Variants in CUBN observed in about 807,000 individuals in gnomAD.
The protein encoded by CUBN is 460 kDa receptor.
Under a neutral mutation model 405.3 loss-of-function variants are expected in CUBN, and 282 were observed. That is an observed-to-expected ratio of 0.70 (90% confidence interval 0.63 to 0.77). The LOEUF is 0.77. Ranked by LOEUF, CUBN falls within the 30% of genes least tolerant of loss-of-function variation. CUBN has a pLI of 0.00. For synonymous variants in CUBN, 1,684 were observed against 1,617.0 expected, an observed-to-expected ratio of 1.04 and a Z score of -0.99; for missense variants, 4,514 against 4,475.2, an observed-to-expected ratio of 1.01 and a Z score of -0.25.
intron 60 of CUBN, among the ~76,000 whole-genome samples, chr10:16,846,855 G>T (rs554564116): frequency 1.0e-3 from 154 of 151,832 alleles, no homozygotes; most frequent in Non-Finnish European, 2.0e-3. Context: ...AAAGGGGCAC[G>T]GATGGGGTTG....
In CUBN at chr10:16,906,439, A is replaced by G. The variant is rs769711219; in HGVS notation, c.7706-30T>C. The stretch of plus-strand genomic sequence containing the variant: ...GAAAACAGAAGGCAACAGAGAAAGT[A>G]GTAGTAAGATTCAGGCCACAACGGA... On this transcript the variant is annotated intron_variant, in intron 49 of 66. Coordinates refer to ENST00000377833, the MANE Select transcript of CUBN (RefSeq NM_001081.4). The G allele has an allele frequency of 1.1e-5, 16 of 1,493,312 alleles. No individual in the cohort carries two copies. The East Asian group carries it at 3.2e-4, about 30-fold the overall frequency. 92.5% of individuals were successfully genotyped at this position (1,493,312 alleles called of 1,614,324 possible).
At chr10:16,839,427 A>G (rs1839272645) in intron 62 of CUBN, among the ~76,000 whole-genome samples, 1 of 152,096 alleles carries the variant, frequency 6.6e-6, no homozygotes, top group South Asian at 2.1e-4. Flanking sequence ...ACACTTCTCA[A>G]AAGAAGACAT....
At chr10:16,913,256 A>T (rs1260481413) in intron 48 of CUBN, among the ~76,000 whole-genome samples, 1 of 152,202 alleles carries the variant, frequency 6.6e-6, no homozygotes, top group Non-Finnish European at 1.5e-5. Context: ...TGTGCACAGC[A>T]CTTCACAGTT....
intron 47 of CUBN, among the ~76,000 whole-genome samples, 198 bp downstream of exon 47, chr10:16,914,834 C>G (rs933221352): frequency 6.6e-6 from 1 of 152,152 alleles, no homozygotes; most frequent in Non-Finnish European, 1.5e-5. Context: ...TTATCTCTCT[C>G]GTGATACTAG....
intron 27 of CUBN, among the ~76,000 whole-genome samples, chr10:17,031,630 A>C (rs1472706579): frequency 6.6e-6 from 1 of 152,182 alleles, no homozygotes; most frequent in Non-Finnish European, 1.5e-5. Flanking sequence ...AGGACTTACT[A>C]CATCTTTGTC....
At chr10:17,121,124 C>G (rs1307885649) in intron 6 of CUBN, among the ~76,000 whole-genome samples, 1 of 151,866 alleles carries the variant, frequency 6.6e-6, no homozygotes, top group Non-Finnish European at 1.5e-5. Flanking sequence ...TCAAAAAGCT[C>G]TTTAATAACA....
At chr10:17,002,166 G>A (rs1285070556) in intron 28 of CUBN, among the ~76,000 whole-genome samples, 4 of 152,064 alleles carry the variant, frequency 2.6e-5, no homozygotes, top group Non-Finnish European at 4.4e-5. Context: ...TACGCTGAAC[G>A]TCACATTTGT....
chr10:17,005,431 C>T (rs1182001525), intron 28 of CUBN, among the ~76,000 whole-genome samples: 1 of 152,192 alleles, frequency 6.6e-6, no homozygotes, highest in Admixed American at 6.5e-5. Flanking sequence ...AATTTTACCT[C>T]CTTGGAGTTG....
chr10:16,874,561 A>G, intron 57 of CUBN, 58 bp from the exon 58 acceptor site: 1 of 1,604,402 alleles, frequency 6.2e-7, no homozygotes, highest in Non-Finnish European at 8.5e-7. Flanking sequence ...GCATGGAAAA[A>G]TGATTTTAAG....
rs1588513563 is a variant in CUBN at position 16,952,201 on chromosome 10, G to A, written c.4969+75C>T. On this transcript the variant is annotated intron_variant, in intron 33 of 66. Transcript: ENST00000377833. Reference sequence around the variant, plus strand: ...TCGATTGTTAGCACTGAGATAAGAAGGTTACTCATAGACTGACCTTCCCAC... The same window carrying A: ...TCGATTGTTAGCACTGAGATAAGAAAGTTACTCATAGACTGACCTTCCCAC... 1.4e-5 allele frequency: 14 copies of A among 1,006,410 alleles called. No individual in the cohort carries two copies. The East Asian group carries it at 3.4e-4, about 24-fold the overall frequency. The allele number at this position is 1,006,410 out of a possible 1,614,324, so 62.3% of individuals were successfully genotyped here. A position where few individuals can be genotyped will look rare whatever the true frequency, so the allele number is the denominator to read the frequency against.
intron 8 of CUBN, 65 bp from the exon 9 acceptor site, chr10:17,111,115 A>C (rs1478105279): frequency 1.9e-6 from 3 of 1,560,856 alleles, no homozygotes; most frequent in Non-Finnish European, 2.6e-6. Context: ...GAAATACAAG[A>C]GTCAAAACAT....
At chr10:16,884,463 T>C (rs1840755502) in intron 56 of CUBN, among the ~76,000 whole-genome samples, 1 of 152,124 alleles carries the variant, frequency 6.6e-6, no homozygotes, top group South Asian at 2.1e-4. Flanking sequence ...TTTTGGACTG[T>C]TTAATATTTG....
At chr10:16,843,496 A>G (rs933372349) in intron 60 of CUBN, among the ~76,000 whole-genome samples, 1 of 152,210 alleles carries the variant, frequency 6.6e-6, no homozygotes, top group African/African-American at 2.4e-5. Flanking sequence ...ACATGATTTT[A>G]GTTAATTCAG....
chr10:16,920,263 C>T, intron 43 of CUBN, 126 bp from the exon 44 acceptor site: 1 of 1,002,732 alleles, frequency 1.0e-6, no homozygotes. Context: ...TGTTATGATC[C>T]TCATTTTCTT....
intron 31 of CUBN, among the ~76,000 whole-genome samples, chr10:16,971,430 C>T (rs562104388): frequency 1.5e-4 from 23 of 152,302 alleles, no homozygotes; most frequent in Non-Finnish European, 2.4e-4. Flanking sequence ...CCTCTGCAGA[C>T]CTCCTGTCCC....
chr10:17,033,348 C>A (rs537803925), intron 27 of CUBN, among the ~76,000 whole-genome samples: 5 of 152,170 alleles, frequency 3.3e-5, no homozygotes, highest in African/African-American at 4.8e-5. Flanking sequence ...TATAATTGTC[C>A]CTCCCAGCAC....
intron 10 of CUBN, among the ~76,000 whole-genome samples, chr10:17,108,733 C>T (rs1285331755): frequency 6.6e-6 from 1 of 152,060 alleles, no homozygotes; most frequent in Non-Finnish European, 1.5e-5. Flanking sequence ...AAAGATTTAT[C>T]TTTTTGACTA....
chr10:16,913,757 G>A (rs1456223892), intron 48 of CUBN, 54 bp downstream of exon 48: 14 of 1,598,524 alleles, frequency 8.8e-6, no homozygotes, highest in African/African-American at 6.7e-5. Flanking sequence ...TTTATGGGTC[G>A]GTAAACTCTT....
chr10:17,024,675 T>C (rs967802003), intron 27 of CUBN, among the ~76,000 whole-genome samples: 4 of 152,012 alleles, frequency 2.6e-5, no homozygotes, highest in African/African-American at 9.7e-5. Context: ...AGCTACTTTT[T>C]TTGTATTTTT....
Sources: gnomAD v4.1 joint callset for allele counts (sites outside exome capture counted in the v4.1 genomes callset) on GRCh38, gnomAD v4.1.1 for gene constraint, MANE v1.5 for transcripts, NCBI Gene and HGNC (gene_info 2026-07-23, HGNC 2026-07-21) for gene names.